PTP4A1: variants seen among roughly 807,000 people sequenced by gnomAD.
The protein encoded by PTP4A1 is protein tyrosine phosphatase 4A1, also known as protein tyrosine phosphatase type IVA 1.
A neutral mutation model predicts 20.5 loss-of-function variants in PTP4A1; 9 were observed. That is an observed-to-expected ratio of 0.44 (90% CI 0.26 to 0.77). The LOEUF is 0.77. PTP4A1 is among the 30% of genes least tolerant of loss of function. The pLI is 0.19. For missense variants in PTP4A1, 137 were observed against 218.8 expected (o/e 0.63, Z 2.36); for synonymous variants, 78 against 67.4 (o/e 1.16, Z -0.77).
chr6:63,523,521 A>C (rs1775028678), intron 1 of PTP4A1, among the ~76,000 whole-genome samples: 1 of 152,118 alleles, frequency 6.6e-6, no homozygotes, highest in Non-Finnish European at 1.5e-5. Context: ...AAAAATAAAT[A>C]AATAAATAAA....
chr6:63,551,711 G>A (rs924401291), intron 3 of PTP4A1, among the ~76,000 whole-genome samples: 8 of 98,290 alleles, frequency 8.1e-5, no homozygotes, highest in East Asian at 3.4e-4. Context: ...AACAGGCCCC[G>A]GTGTGTGATG....
rs1171188793 is a variant in PTP4A1 at position 63,581,203 on chromosome 6, G to A, written c.*1029G>A. On this transcript the variant is annotated 3_prime_UTR_variant, in exon 6 of 6. Transcript: ENST00000626021. ...AGAAATGGGTTTCTGCTAATGAATT[G>A]AGCAGACATCTAATATTTTATATGC... 1 of 152,148 alleles carries A rather than the reference G, an allele frequency of 6.6e-6. No homozygotes were observed. 9.4% of individuals were successfully genotyped at this position (152,148 alleles called of 1,614,324 possible). A position where few individuals can be genotyped will look rare whatever the true frequency, so the allele number is the denominator to read the frequency against.
intron 2 of PTP4A1, among the ~76,000 whole-genome samples, chr6:63,536,735 C>T (rs1775744412): frequency 6.6e-6 from 1 of 152,018 alleles, no homozygotes; most frequent in African/African-American, 2.4e-5. Flanking sequence ...AGTATCACTA[C>T]AAGAAAAAGC....
chr6:63,550,067 A>T (rs1294277885), intron 2 of PTP4A1, among the ~76,000 whole-genome samples: 1 of 152,212 alleles, frequency 6.6e-6, no homozygotes, highest in Non-Finnish European at 1.5e-5. Flanking sequence ...TATGTACTCC[A>T]TAATATGTGC....
At chr6:63,571,121 AGAG>A (rs766740359), upstream of PTP4A1, 15 of 152,174 alleles carry the variant, frequency 9.9e-5, no homozygotes, top group Non-Finnish European at 2.1e-4. Flanking sequence ...CAAATGACGA[AGAG>A]TTTTTGTTCC....
intron 3 of PTP4A1, among the ~76,000 whole-genome samples, chr6:63,565,189 T>TG (rs2149498890): frequency 6.6e-6 from 1 of 152,130 alleles, no homozygotes; most frequent in Non-Finnish European, 1.5e-5. Flanking sequence ...ATTTTTTTTT[T>TG]TTTGTAGAGA....
At position 63,549,640 on chromosome 6, in the gene PTP4A1, A is replaced by G. The variant is rs535831940; in HGVS notation, c.-639-660A>G. The G allele has an allele frequency of 1.7e-4, 82 of 474,738 alleles. No individual in the cohort carries two copies. In the East Asian group the frequency reaches 2.6e-3, roughly 15 times the overall value. The allele number at this position is 474,738 out of a possible 1,614,324, so 29.4% of individuals were successfully genotyped here. A position where few individuals can be genotyped will look rare whatever the true frequency, so the allele number is the denominator to read the frequency against. On this transcript the variant is annotated intron_variant, in intron 2 of 3. Coordinates refer to the PTP4A1 transcript ENST00000639568. ...TACTAATTATCCATACAAAAATGGA[A>G]TCCTGTCATTGGCAGTAACACGGAT...
intron 2 of PTP4A1, among the ~76,000 whole-genome samples, chr6:63,532,152 A>C (rs1393071538): frequency 6.6e-6 from 1 of 152,226 alleles, no homozygotes; most frequent in African/African-American, 2.4e-5. Flanking sequence ...ATAGTTAATA[A>C]AGAAAAAATT....
At chr6:63,552,350 T>C (rs1277694544) in intron 3 of PTP4A1, among the ~76,000 whole-genome samples, 1 of 152,236 alleles carries the variant, frequency 6.6e-6, no homozygotes, top group African/African-American at 2.4e-5. Context: ...AAGTGTCTGT[T>C]CATGTCCTTT....
At chr6:63,559,854 T>C (rs1016119046) in intron 3 of PTP4A1, among the ~76,000 whole-genome samples, 1 of 152,170 alleles carries the variant, frequency 6.6e-6, no homozygotes, top group African/African-American at 2.4e-5. Flanking sequence ...TTCGAACTCC[T>C]GGGCTCAAAC....
At chr6:63,531,388 T>C (rs1002715638) in intron 2 of PTP4A1, among the ~76,000 whole-genome samples, 1 of 112,056 alleles carries the variant, frequency 8.9e-6, no homozygotes, top group Non-Finnish European at 1.7e-5. Flanking sequence ...AAAATGAACA[T>C]TTATTTGGAA....
chr6:63,578,639 TAA>T (rs1184402922), intron 3 of PTP4A1, 110 bp downstream of exon 3: 1 of 1,384,592 alleles, frequency 7.2e-7, no homozygotes, highest in Non-Finnish European at 9.6e-7. Context: ...CTCAAAAAGC[TAA>T]AAACAAATAT....
intron 2 of PTP4A1, among the ~76,000 whole-genome samples, chr6:63,531,510 T>C (rs796226017): frequency 2.3e-4 from 35 of 151,054 alleles, no homozygotes; most frequent in African/African-American, 8.5e-4. Flanking sequence ...ATATCTATTA[T>C]GCTTTTTTTT....
chr6:63,540,171 G>T (rs1335123237), intron 2 of PTP4A1, among the ~76,000 whole-genome samples: 1 of 152,200 alleles, frequency 6.6e-6, no homozygotes, highest in Admixed American at 6.5e-5. Flanking sequence ...TGGTGTGCAT[G>T]GTTGGAGAGT....
chr6:63,583,097 C>T lies in PTP4A1; in HGVS notation c.*2923C>T, dbSNP rs1269945808. The T allele has an allele frequency of 2.6e-5, 4 of 152,034 alleles. No individual in the cohort carries two copies. The highest frequency in any genetic ancestry group is 9.7e-5 in the African/African-American group (4 of 41,368). The allele number at this position is 152,034 out of a possible 1,614,324, so 9.4% of individuals were successfully genotyped here. On this transcript the variant is annotated 3_prime_UTR_variant, in exon 6 of 6. Transcript: ENST00000626021. Reference sequence around the variant, plus strand: ...ACCAGATTTTGGTCACCAATGAGTACCCGACCCGTTGCCATGATTAAGAGA... The same window carrying T: ...ACCAGATTTTGGTCACCAATGAGTATCCGACCCGTTGCCATGATTAAGAGA...
At chr6:63,545,902 G>A (rs1043044936) in intron 2 of PTP4A1, among the ~76,000 whole-genome samples, 20 of 151,998 alleles carry the variant, frequency 1.3e-4, no homozygotes, top group African/African-American at 4.8e-4. Context: ...AATAAACCTG[G>A]TTCTGTTATT....
upstream of PTP4A1, among the ~76,000 whole-genome samples, chr6:63,520,836 C>T (rs111850023): frequency 0.017 from 2,629 of 152,072 alleles, 35 homozygotes; most frequent in Middle Eastern, 0.041. Context: ...ATTTATTAGA[C>T]CATGTGCTAT....
At chr6:63,578,143 C>G (rs1777992202) in intron 2 of PTP4A1, among the ~76,000 whole-genome samples, 1 of 152,142 alleles carries the variant, frequency 6.6e-6, no homozygotes. Context: ...ATTACCATGA[C>G]TGTAAACAAC....
chr6:63,569,834 C>A (rs1350490218), upstream of PTP4A1, among the ~76,000 whole-genome samples: 2 of 152,124 alleles, frequency 1.3e-5, no homozygotes, highest in Non-Finnish European at 2.9e-5. Context: ...CTGTTAGAGA[C>A]CCACTTTAAA....
Sources: gnomAD v4.1 joint callset for allele counts (sites outside exome capture counted in the v4.1 genomes callset) on GRCh38, gnomAD v4.1.1 for gene constraint, MANE v1.5 for transcripts, NCBI Gene and HGNC (gene_info 2026-07-23, HGNC 2026-07-21) for gene names.